The following BCAS3 variants were observed in gnomAD, a reference collection of about 807,000 sequenced individuals.
The protein encoded by BCAS3 is BCAS3 microtubule associated cell migration factor, also known as BCAS4/BCAS3 fusion.
Under a neutral mutation model 116.1 loss-of-function variants are expected in BCAS3, and 53 were observed. The ratio of observed to expected loss-of-function variants is 0.46; its 90% confidence interval spans 0.37 to 0.57. The LOEUF is 0.57. Among genes scored for constraint, BCAS3 ranks in the 20% least tolerant of loss-of-function variants. The probability of loss-of-function intolerance (pLI) is 0.00; values close to 1 mark genes in which losing one functional copy is unlikely to be tolerated. For missense variants in BCAS3, 917 were observed against 1,165.4 expected (o/e 0.79, Z 3.10); for synonymous variants, 391 against 408.2 (o/e 0.96, Z 0.51).
In BCAS3 at chr17:60,718,898, A is replaced by G. The variant is rs145346201; in HGVS notation, c.321+9573A>G. Among the ~76,000 whole-genome samples, 520 of 152,184 alleles carry G rather than the reference A, an allele frequency of 3.4e-3. 5 individuals carry two copies. The highest frequency in any genetic ancestry group is 0.012 in the African/African-American group (492 of 41,536). On this transcript the variant is annotated intron_variant, in intron 5 of 23. Transcript: ENST00000407086. ...AACATGGTGAAACGCAGTCTCTACT[A>G]AAAATACAAAAAAATTAGCCAGGCA...
intron 10 of BCAS3, among the ~76,000 whole-genome samples, chr17:60,899,457 G>A (rs2057730906): frequency 6.6e-6 from 1 of 152,064 alleles, no homozygotes; most frequent in South Asian, 2.1e-4. Flanking sequence ...CCTAGTGCGG[G>A]AATGAGCCCA....
chr17:60,863,450 A>G (rs1193934461), intron 7 of BCAS3, among the ~76,000 whole-genome samples: 5 of 152,108 alleles, frequency 3.3e-5, no homozygotes, highest in Admixed American at 6.6e-5. Context: ...CCCAGTGCAT[A>G]TAAAAGTTAT....
intron 12 of BCAS3, among the ~76,000 whole-genome samples, chr17:60,912,847 G>T (rs1290740588): frequency 1.3e-5 from 2 of 152,012 alleles, no homozygotes; most frequent in Non-Finnish European, 2.9e-5. Context: ...CATTGTCTAG[G>T]ACCATACATC....
chr17:60,778,156 A>G (rs1279511467), intron 6 of BCAS3, among the ~76,000 whole-genome samples: 2 of 151,852 alleles, frequency 1.3e-5, no homozygotes, highest in Non-Finnish European at 2.9e-5. Context: ...TTCAGTTTGG[A>G]TGAAGTCCAA....
chr17:60,969,462 T>C (rs1449454663), intron 14 of BCAS3, among the ~76,000 whole-genome samples: 1 of 151,866 alleles, frequency 6.6e-6, no homozygotes, highest in Non-Finnish European at 1.5e-5. Flanking sequence ...AGAATTTGAG[T>C]GAGTAAATGA....
In BCAS3 at chr17:61,154,916, G is replaced by GT. The variant is rs61237614; in HGVS notation, c.2425+70364dup. 4.3e-3 allele frequency among the ~76,000 whole-genome samples: 612 copies of GT among 143,620 alleles called. 3 individuals carry two copies. Among genetic ancestry groups the GT allele is most frequent in the African/African-American group, 0.01 (413 of 39,474 alleles). The allele number at this position is 143,620 out of a possible 152,430, so 94.2% of individuals were successfully genotyped here. On this transcript the variant is annotated intron_variant, in intron 22 of 23. Transcript: ENST00000407086. ...GTATCCTTTTGATCAAATGCAACTGGTTTTTTTTTTTTGGTGGGGGGTGTT... is the reference window on the plus strand; with the variant it reads ...GTATCCTTTTGATCAAATGCAACTGGTTTTTTTTTTTTTGGTGGGGGGTGTT...
intron 16 of BCAS3, chr17:61,027,012 T>C (rs776733404): frequency 2.1e-6 from 2 of 961,640 alleles, no homozygotes; most frequent in East Asian, 2.6e-5. Context: ...TGATCACAGA[T>C]AGATGCACCA....
rs111611245 is a variant in BCAS3, at chr17:61,082,221, T to G, written c.2328-2246T>G. On this transcript the variant is annotated intron_variant, in intron 21 of 23. Coordinates refer to ENST00000407086, the MANE Select transcript of BCAS3 (RefSeq NM_017679.5). This position sits in a 1 kb window ranked among gnomAD's most constrained non-coding sequence, Gnocchi z 5.1. ...GAAATTGGTTATCATTTATTTTATT[T>G]TATTTAACTGAGATATAATTCACAT... Among the ~76,000 whole-genome samples the G allele has an allele frequency of 6.6e-6, 1 of 152,224 alleles. No individual in the cohort carries two copies. Among genetic ancestry groups the G allele is most frequent in the Non-Finnish European group, 1.5e-5 (1 of 68,038 alleles).
chr17:60,690,883 G>A (rs1297669465), intron 4 of BCAS3, among the ~76,000 whole-genome samples: 3 of 152,076 alleles, frequency 2.0e-5, no homozygotes, highest in Non-Finnish European at 4.4e-5. Context: ...TTGTGCCACT[G>A]CATTCCAGCC....
chr17:60,888,121 A>G (rs190125584), intron 9 of BCAS3, among the ~76,000 whole-genome samples: 1 of 152,308 alleles, frequency 6.6e-6, no homozygotes, highest in African/African-American at 2.4e-5. Context: ...TGTTCTGCTG[A>G]TTCCAGCTAT....
chr17:61,022,222 A>G (rs1303484220), intron 16 of BCAS3, among the ~76,000 whole-genome samples: 1 of 151,978 alleles, frequency 6.6e-6, no homozygotes, highest in Admixed American at 6.6e-5. Flanking sequence ...TCTACTATAT[A>G]CCATATATAT....
At chr17:61,350,500 A>G (rs1476557764) in intron 22 of BCAS3, among the ~76,000 whole-genome samples, 1 of 152,134 alleles carries the variant, frequency 6.6e-6, no homozygotes, top group Admixed American at 6.5e-5. Context: ...GACTTAAATC[A>G]TCACTTCATA....
chr17:61,026,687 C>G lies in BCAS3; in HGVS notation c.1638-7979C>G, dbSNP rs2066269710. ...ACTCTGAAAATTAAGGGCCTTGTTA[C>G]TACACATCATTCTGTTTATTGGTTA... On this transcript the variant is annotated intron_variant, in intron 16 of 23. Transcript: ENST00000407086. This position sits in a 1 kb window ranked among gnomAD's most constrained non-coding sequence, Gnocchi z 5.0. Among the ~76,000 whole-genome samples the G allele has an allele frequency of 6.6e-6, 1 of 151,900 alleles. No individual in the cohort carries two copies. Among genetic ancestry groups the G allele is most frequent in the Non-Finnish European group, 1.5e-5 (1 of 67,892 alleles).
Position 61,361,193 on chromosome 17 carries a change from TAA to T in BCAS3, c.2426-7122_2426-7121del, listed in dbSNP as rs755898616. Among the ~76,000 whole-genome samples, 1 of 138,250 alleles carries T rather than the reference TAA, an allele frequency of 7.2e-6. No individual in the cohort carries two copies. The highest frequency in any genetic ancestry group is 2.6e-5 in the African/African-American group (1 of 38,068). 90.7% of individuals were successfully genotyped at this position (138,250 alleles called of 152,430 possible). A position where few individuals can be genotyped will look rare whatever the true frequency, so the allele number is the denominator to read the frequency against. On this transcript the variant is annotated intron_variant, in intron 22 of 23. Transcript: ENST00000407086. The surrounding 1 kb of genome is among the most constrained non-coding windows in gnomAD (Gnocchi z 6.5). ...GATTCTGCTGAGAGAGAAAAAGAAT[TAA>T]AAAAAAAAAAAGAAAAGACCCAGAC...
chr17:61,095,163 T>TA lies in BCAS3; in HGVS notation c.2425+10600dup, dbSNP rs1253490293. 2.0e-5 allele frequency among the ~76,000 whole-genome samples: 3 copies of TA among 152,236 alleles called. No homozygotes were observed. The highest frequency in any genetic ancestry group is 2.9e-5 in the Non-Finnish European group (2 of 68,040). The stretch of plus-strand genomic sequence containing the variant: ...TTAATATACTTTATCTTTTAGCAGT[T>TA]ACGTATTTGAGTTAGACCAACTTTT... On this transcript the variant is annotated intron_variant, in intron 22 of 23. Coordinates refer to ENST00000407086, the MANE Select transcript of BCAS3 (RefSeq NM_017679.5). This position sits in a 1 kb window ranked among gnomAD's most constrained non-coding sequence, Gnocchi z 4.7.
chr17:61,270,689 C>T (rs540877510), intron 22 of BCAS3, among the ~76,000 whole-genome samples: 1 of 152,216 alleles, frequency 6.6e-6, no homozygotes, highest in African/African-American at 2.4e-5. Context: ...GAAACTTCTC[C>T]CCTATGTTTT....
intron 6 of BCAS3, among the ~76,000 whole-genome samples, chr17:60,801,928 T>C (rs1186854442): frequency 6.6e-6 from 1 of 152,188 alleles, no homozygotes. Context: ...CCCATCCTTT[T>C]CAATTTCTTG....
intron 15 of BCAS3, among the ~76,000 whole-genome samples, chr17:60,992,189 T>TCCACACACACACACACACACAC (rs1555654103): frequency 7.7e-6 from 1 of 130,652 alleles, no homozygotes; most frequent in African/African-American, 2.9e-5. Flanking sequence ...TCCGATGACT[T>TCCACACACACACACACACACAC]ACACACACAC....
chr17:60,856,235 T>C (rs766856616), intron 7 of BCAS3, among the ~76,000 whole-genome samples: 6 of 152,324 alleles, frequency 3.9e-5, no homozygotes, highest in Non-Finnish European at 8.8e-5. Flanking sequence ...AGACTCAACC[T>C]CCTAGTTTTT....
Sources: allele counts gnomAD v4.1 joint callset (sites outside exome capture counted in the v4.1 genomes callset), GRCh38; gene constraint gnomAD v4.1.1; non-coding constraint Gnocchi (gnomAD v3.1); transcripts MANE v1.5; gene names NCBI Gene and HGNC (gene_info 2026-07-23, HGNC 2026-07-21).